The following NAALADL2 variants were observed in gnomAD, a reference collection of about 807,000 sequenced individuals.
NAALADL2 encodes inactive N-acetylated-alpha-linked acidic dipeptidase-like protein 2.
NAALADL2 carries 76 observed loss-of-function variants against 87.2 expected under a neutral mutation model. The observed-to-expected ratio is 0.87, with a 90% confidence interval of 0.72 to 1.05. The LOEUF (loss-of-function observed/expected upper bound fraction) is 1.05. Among genes scored for constraint, NAALADL2 ranks in the 50% least tolerant of loss-of-function variants. The pLI, the probability that NAALADL2 is intolerant of heterozygous loss-of-function variation, is 0.00. For synonymous variants in NAALADL2, 354 were observed against 331.0 expected (o/e 1.07, Z -0.75); for missense variants, 1,089 against 945.8 (o/e 1.15, Z -1.99).
intron 1 of NAALADL2, among the ~76,000 whole-genome samples, chr3:174,998,114 T>A (rs150654921): frequency 4.9e-4 from 75 of 152,304 alleles, no homozygotes; most frequent in African/African-American, 1.7e-3. Flanking sequence ...ACTTAATTTG[T>A]TTTCTATAAT....
intron 1 of NAALADL2, among the ~76,000 whole-genome samples, chr3:174,924,498 T>A (rs1579552147): frequency 1.3e-5 from 2 of 152,242 alleles, no homozygotes; most frequent in South Asian, 4.2e-4. Context: ...TCTTTGCTAT[T>A]GTGAATAGTG....
chr3:175,558,194 C>CAAAAAAAAAAAAAAAAA (rs71164638), intron 9 of NAALADL2, among the ~76,000 whole-genome samples: 1 of 82,428 alleles, frequency 1.2e-5, no homozygotes, highest in African/African-American at 4.6e-5. Flanking sequence ...GACCCCGTCT[C>CAAAAAAAAAAAAAAAAA]AAAAAAAAAA....
chr3:175,321,335 C>T (rs1403395233), intron 4 of NAALADL2, among the ~76,000 whole-genome samples: 11 of 107,846 alleles, frequency 1.0e-4, no homozygotes, highest in East Asian at 7.7e-4. Context: ...TGGGACGTAT[C>T]TCAAAATAAT....
chr3:175,693,242 T>C (rs1356008405), intron 11 of NAALADL2, among the ~76,000 whole-genome samples: 1 of 152,178 alleles, frequency 6.6e-6, no homozygotes. Context: ...AGACACAGTT[T>C]ACTGCCATTG....
At chr3:175,659,861 C>T (rs1468495712) in intron 11 of NAALADL2, among the ~76,000 whole-genome samples, 1 of 152,090 alleles carries the variant, frequency 6.6e-6, no homozygotes, top group African/African-American at 2.4e-5. Context: ...AGCATGCTTC[C>T]AAGGAAACTG....
At chr3:175,546,840 A>G (rs4449329) in intron 9 of NAALADL2, among the ~76,000 whole-genome samples, 99,818 of 151,814 alleles carry the variant, frequency 0.66, 33,669 homozygotes, top group East Asian at 0.87. Context: ...CTAATTAAAT[A>G]CCTAGGAATA....
chr3:174,625,670 A>C (rs1383328736), intron 2 of NAALADL2, among the ~76,000 whole-genome samples: 1 of 152,100 alleles, frequency 6.6e-6, no homozygotes, highest in Non-Finnish European at 1.5e-5. Flanking sequence ...AAAAATGTCC[A>C]AGTAGAAAGG....
At chr3:174,673,083 T>C (rs1726724866) in intron 2 of NAALADL2, among the ~76,000 whole-genome samples, 1 of 151,862 alleles carries the variant, frequency 6.6e-6, no homozygotes, top group South Asian at 2.1e-4. Flanking sequence ...AAGAAAGAAA[T>C]AGAGAAAATA....
upstream of NAALADL2, among the ~76,000 whole-genome samples, chr3:174,855,881 CATATGAATATATATACACATAG>C (rs1375116238): frequency 1.6e-3 from 228 of 141,204 alleles, no homozygotes; most frequent in East Asian, 4.6e-3. Context: ...TATATACATA[CATATGAATATATATACACATAG>C]ATATGAATAT....
At chr3:174,909,835 T>C (rs1394031502) in intron 1 of NAALADL2, among the ~76,000 whole-genome samples, 1 of 152,172 alleles carries the variant, frequency 6.6e-6, no homozygotes, top group East Asian at 1.9e-4. Context: ...CAGCTGTTTT[T>C]ATTATTTCGA....
At chr3:175,547,613 T>C (rs993222653) in intron 9 of NAALADL2, among the ~76,000 whole-genome samples, 1 of 152,084 alleles carries the variant, frequency 6.6e-6, no homozygotes, top group African/African-American at 2.4e-5. Flanking sequence ...ATCATCAGCG[T>C]GAATAGACAA....
intron 4 of NAALADL2, among the ~76,000 whole-genome samples, chr3:175,309,865 C>G (rs1758154774): frequency 6.6e-6 from 1 of 152,148 alleles, no homozygotes; most frequent in Non-Finnish European, 1.5e-5. Context: ...GGGCAGATGT[C>G]ATCCCTTTTT....
At chr3:175,619,189 C>G (rs1725799183) in intron 10 of NAALADL2, among the ~76,000 whole-genome samples, 3 of 145,464 alleles carry the variant, frequency 2.1e-5, no homozygotes, top group African/African-American at 7.7e-5. Context: ...AGCTGTTGAA[C>G]CAGATTCTCC....
At position 175,369,065 on chromosome 3, in the gene NAALADL2, C is replaced by T. The variant is rs138857858; in HGVS notation, c.1090+44740C>T. ...ATAAACACTGTACACTTAGGTTACA[C>T]TAAATTTGTTTTAAAAATTAAGTAA... On this transcript the variant is annotated intron_variant, in intron 5 of 13. Coordinates refer to ENST00000454872, the MANE Select transcript of NAALADL2 (RefSeq NM_207015.3). Among the ~76,000 whole-genome samples the T allele has an allele frequency of 5.3e-4, 81 of 152,204 alleles. 1 individual carries two copies. The East Asian group carries it at 0.015, about 29-fold the overall frequency.
Position 174,445,311 on chromosome 3 carries a change from C to A in NAALADL2, c.-184+4279C>A, listed in dbSNP as rs80044050. On this transcript the variant is annotated intron_variant, in intron 1 of 3. Transcript: ENST00000434257. Reference sequence around the variant, plus strand: ...CGCAAAGGTAGAATAGTATAATGAACCCCAGTATATTCAGGAGTACGTCTC... The same window carrying A: ...CGCAAAGGTAGAATAGTATAATGAAACCCAGTATATTCAGGAGTACGTCTC... Among the ~76,000 whole-genome samples the A allele has an allele frequency of 1.7e-3, 258 of 152,070 alleles. 1 individual carries two copies. The highest frequency in any genetic ancestry group is 6.1e-3 in the African/African-American group (252 of 41,506).
At chr3:175,025,179 TG>T (rs1015764847) in intron 1 of NAALADL2, among the ~76,000 whole-genome samples, 3 of 152,064 alleles carry the variant, frequency 2.0e-5, no homozygotes, top group Admixed American at 6.6e-5. Context: ...AGAATAACAA[TG>T]TGTGAACTAA....
chr3:175,681,104 T>C (rs1037408765), intron 11 of NAALADL2, among the ~76,000 whole-genome samples: 14 of 152,202 alleles, frequency 9.2e-5, no homozygotes, highest in Non-Finnish European at 2.9e-5. Flanking sequence ...AGAGCGAGGC[T>C]CTGTCTCAAA....
chr3:174,951,328 A>G (rs1740308610), intron 1 of NAALADL2, among the ~76,000 whole-genome samples: 1 of 151,860 alleles, frequency 6.6e-6, no homozygotes, highest in African/African-American at 2.4e-5. Context: ...ACAGCAAACT[A>G]GGGACAGCCT....
At chr3:175,145,966 G>A (rs1730692784) in intron 2 of NAALADL2, among the ~76,000 whole-genome samples, 1 of 152,004 alleles carries the variant, frequency 6.6e-6, no homozygotes, top group South Asian at 2.1e-4. Flanking sequence ...TGTGGAAATT[G>A]TTTTCCATGT....
Sources: allele counts gnomAD v4.1 joint callset (sites outside exome capture counted in the v4.1 genomes callset), GRCh38; gene constraint gnomAD v4.1.1; transcripts MANE v1.5; gene names NCBI Gene and HGNC (gene_info 2026-07-23, HGNC 2026-07-21).